CAST: variants seen among roughly 807,000 people sequenced by gnomAD.
CAST encodes calpastatin.
In CAST, 76 loss-of-function variants were observed where a neutral mutation model predicts 119.6. The ratio of observed to expected loss-of-function variants is 0.64; its 90% confidence interval spans 0.53 to 0.77. The LOEUF is 0.77. Among genes scored for constraint, CAST ranks in the 30% least tolerant of loss-of-function variants. The pLI, the probability that CAST is intolerant of heterozygous loss-of-function variation, is 0.00. For missense variants in CAST, 953 were observed against 946.5 expected (o/e 1.01, Z -0.09); for synonymous variants, 319 against 331.6 (o/e 0.96, Z 0.41).
the CAST span, among the ~76,000 whole-genome samples, chr5:96,140,340 T>C: frequency 6.6e-6 from 1 of 152,242 alleles, no homozygotes; most frequent in African/African-American, 2.4e-5. Flanking sequence ...GTTGTTTCTC[T>C]TGCTTTAAAT....
chr5:96,433,397 A>T, the CAST span: 1 of 366,782 alleles, frequency 2.7e-6, no homozygotes, highest in Non-Finnish European at 5.3e-6. Flanking sequence ...GCAGCCAGGG[A>T]TTAGGAAAAG....
intron 27 of CAST, among the ~76,000 whole-genome samples, chr5:96,767,039 G>C (rs1770251471): frequency 6.6e-6 from 1 of 152,146 alleles, no homozygotes; most frequent in African/African-American, 2.4e-5. Flanking sequence ...TATTATTTAA[G>C]GCCCTTGCCT....
the CAST span, among the ~76,000 whole-genome samples, chr5:96,484,714 T>C: frequency 3.5e-4 from 53 of 151,872 alleles, no homozygotes; most frequent in African/African-American, 1.3e-3. Flanking sequence ...ACTCTGCAGT[T>C]GAAAAATGAA....
At chr5:96,559,684 A>T (rs1221947027) in intron 1 of CAST, among the ~76,000 whole-genome samples, 2 of 152,142 alleles carry the variant, frequency 1.3e-5, no homozygotes, top group African/African-American at 4.8e-5. Context: ...ACTACAAACC[A>T]CTGCTCAATG....
intron 1 of CAST, among the ~76,000 whole-genome samples, chr5:96,531,864 G>A (rs1745695546): frequency 6.6e-6 from 1 of 152,150 alleles, no homozygotes; most frequent in African/African-American, 2.4e-5. Context: ...CTATTAAAAT[G>A]TGACTTCAAA....
At chr5:96,649,843 G>A (rs776997267) in intron 1 of CAST, among the ~76,000 whole-genome samples, 4 of 152,206 alleles carry the variant, frequency 2.6e-5, no homozygotes, top group African/African-American at 9.6e-5. Flanking sequence ...AGGCAGTAAA[G>A]ATTAGTCAAT....
the CAST span, among the ~76,000 whole-genome samples, chr5:96,284,048 T>C: frequency 6.6e-6 from 1 of 152,148 alleles, no homozygotes; most frequent in Non-Finnish European, 1.5e-5. Context: ...GCACCAATGC[T>C]GGGAGGGATA....
At chr5:95,984,038 A>G in the CAST span, among the ~76,000 whole-genome samples, 1 of 152,318 alleles carries the variant, frequency 6.6e-6, no homozygotes. Context: ...CCCAACATAC[A>G]TGCCAGAGTC....
chr5:96,463,291 C>T, the CAST span, among the ~76,000 whole-genome samples: 7 of 152,106 alleles, frequency 4.6e-5, no homozygotes, highest in South Asian at 2.1e-4. Flanking sequence ...TGAATTAGGG[C>T]GGATTTGGAA....
the CAST span, among the ~76,000 whole-genome samples, chr5:96,319,896 T>C: frequency 6.6e-6 from 1 of 151,738 alleles, no homozygotes; most frequent in African/African-American, 2.4e-5. Context: ...GGGTGGTTTT[T>C]AATTAATGAT....
At chr5:96,634,388 A>G (rs191809993) in intron 1 of CAST, among the ~76,000 whole-genome samples, 1 of 152,370 alleles carries the variant, frequency 6.6e-6, no homozygotes, top group Non-Finnish European at 1.5e-5. Context: ...AATTATGTAT[A>G]TAAAGCTCCT....
the CAST span, among the ~76,000 whole-genome samples, chr5:96,384,941 T>G: frequency 6.6e-6 from 1 of 152,310 alleles, no homozygotes; most frequent in East Asian, 1.9e-4. Flanking sequence ...TGGGCATCCT[T>G]TTTAAACATA....
chr5:96,143,374 T>C, the CAST span, among the ~76,000 whole-genome samples: 1 of 152,234 alleles, frequency 6.6e-6, no homozygotes, highest in Non-Finnish European at 1.5e-5. Context: ...AATCTATAGC[T>C]TAAATCTCCT....
At chr5:96,719,838 G>A (rs184722409) in intron 3 of CAST, among the ~76,000 whole-genome samples, 15 of 152,254 alleles carry the variant, frequency 9.9e-5, no homozygotes, top group East Asian at 5.8e-4. Flanking sequence ...TACACAGCTC[G>A]GAGGGTCCTC....
chr5:96,083,469 C>T, the CAST span, among the ~76,000 whole-genome samples: 1 of 152,180 alleles, frequency 6.6e-6, no homozygotes, highest in African/African-American at 2.4e-5. Context: ...CAGCAACGTC[C>T]TCCCTCCCTT....
chr5:96,093,868 T>C, the CAST span, among the ~76,000 whole-genome samples: 1 of 152,206 alleles, frequency 6.6e-6, no homozygotes, highest in Non-Finnish European at 1.5e-5. Flanking sequence ...TCCTAGGCTT[T>C]TTGCCTGGCT....
At chr5:95,961,709 C>T in the CAST span, 1 of 1,605,638 alleles carries the variant, frequency 6.2e-7, no homozygotes, top group South Asian at 1.1e-5. Context: ...CCCCCTGTCC[C>T]CCCCGCCGCC....
At chr5:96,437,684 GC>G in the CAST span, among the ~76,000 whole-genome samples, 3 of 152,074 alleles carry the variant, frequency 2.0e-5, no homozygotes, top group Non-Finnish European at 4.4e-5. Context: ...CAGACCCTCA[GC>G]CCCCACCCCA....
At chr5:96,125,530 C>T in the CAST span, among the ~76,000 whole-genome samples, 1 of 152,078 alleles carries the variant, frequency 6.6e-6, no homozygotes, top group African/African-American at 2.4e-5. Context: ...GACTTTGAAT[C>T]CTGGCTCTAG....
Sources: allele counts gnomAD v4.1 joint callset (sites outside exome capture counted in the v4.1 genomes callset), GRCh38; gene constraint gnomAD v4.1.1; transcripts MANE v1.5; gene names NCBI Gene and HGNC (gene_info 2026-07-23, HGNC 2026-07-21).